PLAC8: variants seen among roughly 807,000 people sequenced by gnomAD.
PLAC8 encodes the protein placenta associated 8, also known as placenta-specific gene 8 protein.
Under a neutral mutation model 12.6 loss-of-function variants are expected in PLAC8, and 6 were observed. The observed-to-expected ratio is 0.48, with a 90% CI of 0.26 to 0.94. PLAC8 has a LOEUF of 0.94. PLAC8 is among the 40% of genes least tolerant of loss of function. The probability of loss-of-function intolerance (pLI) is 0.14; values close to 1 mark genes in which losing one functional copy is unlikely to be tolerated. For missense variants in PLAC8, 122 were observed against 152.7 expected (o/e 0.80, Z 1.06); for synonymous variants, 54 against 52.6 (o/e 1.03, Z -0.11).
At chr4:83,104,778 C>A in intron 3 of PLAC8, 118 bp downstream of exon 3, 1 of 1,098,778 alleles carries the variant, frequency 9.1e-7, no homozygotes, top group South Asian at 1.3e-5. Flanking sequence ...ATTGCACATG[C>A]TAGGGAACTC....
At chr4:83,112,204 G>GTATATATA (rs754066888) in intron 1 of PLAC8, among the ~76,000 whole-genome samples, 7 of 128,668 alleles carry the variant, frequency 5.4e-5, no homozygotes, top group African/African-American at 2.7e-4. Context: ...ATATATATAT[G>GTATATATA]TATATATATA....
chr4:83,105,361 T>C (rs145545945), intron 2 of PLAC8, among the ~76,000 whole-genome samples: 16 of 152,308 alleles, frequency 1.1e-4, no homozygotes, highest in African/African-American at 3.6e-4. Context: ...AGGCAGATCA[T>C]AGGGAAAGTT....
chr4:83,102,911 C>T (rs1240467098), intron 3 of PLAC8, among the ~76,000 whole-genome samples: 2 of 150,618 alleles, frequency 1.3e-5, no homozygotes, highest in Non-Finnish European at 1.5e-5. Context: ...ACGGTGAAAC[C>T]CCGTCTCTAC....
At chr4:83,104,628 G>A (rs1011062591) in intron 3 of PLAC8, among the ~76,000 whole-genome samples, 4 of 152,160 alleles carry the variant, frequency 2.6e-5, no homozygotes, top group Non-Finnish European at 1.5e-5. Flanking sequence ...ATGCATCCAC[G>A]CCACAGTAGA....
At chr4:83,112,600 G>A (rs1408646694) in intron 1 of PLAC8, among the ~76,000 whole-genome samples, 3 of 152,154 alleles carry the variant, frequency 2.0e-5, no homozygotes, top group African/African-American at 7.2e-5. Context: ...ACTTCCATCT[G>A]TCACTTCTAG....
chr4:83,107,787 T>C lies in PLAC8; in HGVS notation c.118+17A>G, dbSNP rs775980776. On this transcript the variant is annotated intron_variant, in intron 2 of 4. Transcript: ENST00000311507. ...ACCTCGGTATCAAATAAGGGGGTTC[T>C]TTCCCCACACACTTACAGACTCCGC... 6.6e-7 allele frequency: 1 copy of C among 1,520,274 alleles called. No homozygotes were observed. The highest frequency in any genetic ancestry group is 9.1e-7 in the Non-Finnish European group (1 of 1,101,854). The allele number at this position is 1,520,274 out of a possible 1,614,324, so 94.2% of individuals were successfully genotyped here.
intron 2 of PLAC8, 82 bp downstream of exon 2, chr4:83,107,722 T>C (rs1732292560): frequency 1.9e-6 from 1 of 538,870 alleles, no homozygotes; most frequent in South Asian, 1.9e-5. Flanking sequence ...TTCTACACAA[T>C]AAGGGAGGAA....
At chr4:83,092,567 T>G (rs573340430) in intron 4 of PLAC8, among the ~76,000 whole-genome samples, 70 of 151,720 alleles carry the variant, frequency 4.6e-4, no homozygotes, top group Middle Eastern at 6.9e-3. Context: ...AAAGAGTAGT[T>G]CTATTCATTT....
chr4:83,107,989 G>A lies in PLAC8; in HGVS notation c.-29-39C>T. On this transcript the variant is annotated intron_variant, in intron 1 of 4. Transcript: ENST00000311507. ...GTGGTGTTAGAAATCTCTGTTGTGG[G>A]GTGGGGGGAGGGGAGAGGGATAGCA... The A allele has an allele frequency of 1.5e-5, 2 of 137,516 alleles. 1 individual carries two copies. The highest frequency in any genetic ancestry group is 3.1e-5 in the Non-Finnish European group (2 of 65,550). 8.5% of individuals were successfully genotyped at this position (137,516 alleles called of 1,614,324 possible).
At chr4:83,094,824 A>C (rs1311272972) in intron 3 of PLAC8, 33 bp from the exon 4 acceptor site, 1 of 1,303,362 alleles carries the variant, frequency 7.7e-7, no homozygotes, top group East Asian at 2.5e-5. Flanking sequence ...TAAAAATATA[A>C]AATTCACCTA....
intron 3 of PLAC8, among the ~76,000 whole-genome samples, chr4:83,097,963 A>G (rs1731986098): frequency 6.8e-6 from 1 of 147,774 alleles, no homozygotes; most frequent in Admixed American, 6.9e-5. Context: ...GGTTCAAGTG[A>G]TTCTCCTATC....
Position 83,107,950 on chromosome 4 carries a change from A to G in PLAC8, c.-29T>C. On this transcript the variant is annotated splice_region_variant and 5_prime_UTR_variant, in exon 2 of 5. Transcript: ENST00000311507. ...CAGTGCAGGGCCTTAAAAGCAGTGG[A>G]CTGAAAAGGCAGAGTGGTGTTAGAA... 2 of 906,960 alleles carry G rather than the reference A, an allele frequency of 2.2e-6. No individual in the cohort carries two copies. Among genetic ancestry groups the G allele is most frequent in the South Asian group, 1.6e-5 (1 of 63,020 alleles). The allele number at this position is 906,960 out of a possible 1,614,324, so 56.2% of individuals were successfully genotyped here.
chr4:83,090,375 A>G lies in PLAC8; in HGVS notation c.*606T>C, dbSNP rs1309351148. ...AAACCCCGTCTCTACTAAAAATACA[A>G]AAATTAGCTGGGCATGGTGGCGGGA... On this transcript the variant is annotated 3_prime_UTR_variant, in exon 5 of 5. Transcript: ENST00000311507. 6.6e-6 allele frequency: 1 copy of G among 152,028 alleles called. No homozygotes were observed. The highest frequency in any genetic ancestry group is 1.5e-5 in the Non-Finnish European group (1 of 68,060). The allele number at this position is 152,028 out of a possible 1,614,324, so 9.4% of individuals were successfully genotyped here.
chr4:83,112,495 G>C (rs1222531554), intron 1 of PLAC8, among the ~76,000 whole-genome samples: 1 of 152,106 alleles, frequency 6.6e-6, no homozygotes, highest in African/African-American at 2.4e-5. Context: ...GCTATTGTAA[G>C]TTCCTTTCTA....
At chr4:83,107,371 C>G (rs11934937) in intron 2 of PLAC8, among the ~76,000 whole-genome samples, 1 of 151,636 alleles carries the variant, frequency 6.6e-6, no homozygotes, top group African/African-American at 2.4e-5. Flanking sequence ...ATGAATCTAA[C>G]CCTTGGGTAC....
At chr4:83,093,744 T>C (rs1170283989) in intron 4 of PLAC8, 1 of 152,182 alleles carries the variant, frequency 6.6e-6, no homozygotes, top group Non-Finnish European at 1.5e-5. Context: ...TTCGTATAAA[T>C]TCTATAATGA....
At chr4:83,092,810 C>CTTTTTTTT (rs70946966) in intron 4 of PLAC8, 1 of 84,870 alleles carries the variant, frequency 1.2e-5, no homozygotes, top group Non-Finnish European at 2.2e-5. Context: ...TTTTCTTTTC[C>CTTTTTTTT]TTTTTTTTTT....
At chr4:83,095,685 T>G (rs1731909602) in intron 3 of PLAC8, among the ~76,000 whole-genome samples, 1 of 152,116 alleles carries the variant, frequency 6.6e-6, no homozygotes, top group Non-Finnish European at 1.5e-5. Flanking sequence ...TAACTAAAAG[T>G]CAAGAAGTAG....
chr4:83,114,213 T>C (rs1188664114), intron 1 of PLAC8, among the ~76,000 whole-genome samples: 1 of 152,200 alleles, frequency 6.6e-6, no homozygotes, highest in Admixed American at 6.5e-5. Flanking sequence ...AGAATTCTTA[T>C]AATTCATTAG....
Sources: gnomAD v4.1 joint callset for allele counts (sites outside exome capture counted in the v4.1 genomes callset) on GRCh38, gnomAD v4.1.1 for gene constraint, MANE v1.5 for transcripts, NCBI Gene and HGNC (gene_info 2026-07-23, HGNC 2026-07-21) for gene names.